The following CKAP5 variants were observed in gnomAD, a reference collection of about 807,000 sequenced individuals.
CKAP5 encodes the protein cytoskeleton associated protein 5, also known as cytoskeleton-associated protein 5.
CKAP5 carries 27 observed loss-of-function variants against 232.8 expected under a neutral mutation model. The ratio of observed to expected loss-of-function variants is 0.12; its 90% confidence interval spans 0.09 to 0.16. CKAP5 has a LOEUF of 0.16. Ranked by LOEUF, CKAP5 falls within the 10% of genes least tolerant of loss-of-function variation. CKAP5 has a pLI of 1.00. For missense variants in CKAP5, 1,838 were observed against 2,424.7 expected, an observed-to-expected ratio of 0.76 and a Z score of 5.08; for synonymous variants, 785 against 841.1, an observed-to-expected ratio of 0.93 and a Z score of 1.16.
chr11:46,778,271 C>T lies in CKAP5; in HGVS notation c.2616G>A (p.Lys872=), dbSNP rs767397717. The T allele has an allele frequency of 1.2e-6, 2 of 1,613,972 alleles. No homozygotes were observed. Among genetic ancestry groups the T allele is most frequent in the East Asian group, 2.2e-5 (1 of 44,864 alleles). ...GGCCTTCTTTCCTAATCTTCCAATT[C>T]TTATCACCAATCTTAGATACCAACT... ...TSELVSKIGD[K]NWKIRKEGLD... The change falls in exon 22 of 44, where the codon AAG becomes AAA. Residue 872 remains lysine (K), a synonymous_variant. Coordinates refer to ENST00000529230, the MANE Select transcript of CKAP5 (RefSeq NM_001008938.4).
chr11:46,753,436 T>A lies in CKAP5; in HGVS notation c.4931A>T (p.His1644Leu). 6.2e-7 allele frequency: 1 copy of A among 1,613,968 alleles called. No individual in the cohort carries two copies. The highest frequency in any genetic ancestry group is 1.1e-5 in the South Asian group (1 of 91,068). ...ASTGVLKDLMHGLITLMLDSR... is the reference protein window; with the variant it reads ...ASTGVLKDLMLGLITLMLDSR... ...ATCCAGCATTAAGGTGATGAGGCCA[T>A]GCATTAGGTCTTTTAGTACTCCAGT... is the stretch of plus-strand genomic sequence containing the variant. Residue 1644 changes from histidine (H) to leucine (L), a missense_variant, in exon 37 of 44, where the codon CAT becomes CTT. His to Leu is a moderately conservative substitution (Grantham distance 99). Around this residue, in one of 6 missense-constraint regions of CKAP5, gnomAD observed 579 missense variants for 843.2 expected, o/e 0.69. Coordinates refer to ENST00000529230, the MANE Select transcript of CKAP5 (RefSeq NM_001008938.4).
intron 23 of CKAP5, 66 bp from the exon 24 acceptor site, chr11:46,776,449 G>A (rs1172456886): frequency 2.2e-6 from 3 of 1,356,950 alleles, no homozygotes; most frequent in Admixed American, 2.2e-5. Context: ...GGTGATCACT[G>A]TTGCTTTATG....
At chr11:46,844,019 G>A (rs1047625645) in intron 1 of CKAP5, among the ~76,000 whole-genome samples, 2 of 151,950 alleles carry the variant, frequency 1.3e-5, no homozygotes, top group Non-Finnish European at 2.9e-5. Flanking sequence ...TCAGGAGTTC[G>A]AGACCAGCCT....
At chr11:46,834,695 G>A (rs190275688) in intron 1 of CKAP5, among the ~76,000 whole-genome samples, 1 of 152,236 alleles carries the variant, frequency 6.6e-6, no homozygotes, top group African/African-American at 2.4e-5. Flanking sequence ...GCTATTTGGT[G>A]ATATTCAAGG....
In CKAP5 at chr11:46,763,197, C is replaced by T; in HGVS notation, c.3688-18G>A. On this transcript the variant is annotated intron_variant, in intron 29 of 43. Coordinates refer to ENST00000529230, the MANE Select transcript of CKAP5 (RefSeq NM_001008938.4). ...TCCAAGTGCTTAAAATAAAACAAAA[C>T]AAAACTCCCACAAATAAGAATAATC... 6.5e-7 allele frequency: 1 copy of T among 1,529,936 alleles called. No homozygotes were observed. The allele number at this position is 1,529,936 out of a possible 1,614,324, so 94.8% of individuals were successfully genotyped here.
At position 46,762,719 on chromosome 11, in the gene CKAP5, A is replaced by G; in HGVS notation, c.3935T>C (p.Ile1312Thr). The change falls in exon 31 of 44, where the codon ATC becomes ACC. Residue 1312 changes from isoleucine to threonine, a missense_variant. Coordinates refer to ENST00000529230, the MANE Select transcript of CKAP5 (RefSeq NM_001008938.4). ...GTAGACAAGGCACATCCGGTTCAGG[A>G]TGGCACGAACATCTTTACGAATGAC... ...KDVIRKDVRA[I>T]LNRMCLVYPA... is the part of the protein sequence containing the mutation. 1 of 1,614,048 alleles carries G rather than the reference A, an allele frequency of 6.2e-7. No homozygotes were observed. The highest frequency in any genetic ancestry group is 8.5e-7 in the Non-Finnish European group (1 of 1,179,908).
chr11:46,798,965 C>T (rs999105401), intron 9 of CKAP5, among the ~76,000 whole-genome samples: 2 of 152,114 alleles, frequency 1.3e-5, no homozygotes, highest in African/African-American at 4.8e-5. Flanking sequence ...TATCTTATGC[C>T]GGAACAATGA....
intron 1 of CKAP5, among the ~76,000 whole-genome samples, chr11:46,839,449 T>A (rs149580024): frequency 3.3e-5 from 5 of 152,238 alleles, no homozygotes; most frequent in Non-Finnish European, 7.3e-5. Context: ...CTCTCCAACA[T>A]TGACTACCAA....
intron 4 of CKAP5, among the ~76,000 whole-genome samples, chr11:46,812,762 C>T (rs908846574): frequency 3.3e-5 from 5 of 152,002 alleles, no homozygotes; most frequent in African/African-American, 1.2e-4. Context: ...CTCAGTCCCC[C>T]AAGCAGCTGA....
chr11:46,793,664 T>C (rs1938795493), intron 13 of CKAP5, among the ~76,000 whole-genome samples: 1 of 152,268 alleles, frequency 6.6e-6, no homozygotes, highest in Admixed American at 6.5e-5. Context: ...GGCTCATGCC[T>C]GTAATTCCAG....
Position 46,817,093 on chromosome 11 carries a change from C to T in CKAP5, c.252-689G>A, listed in dbSNP as rs1274576699. Among the ~76,000 whole-genome samples, 13 of 144,416 alleles carry T rather than the reference C, an allele frequency of 9.0e-5. No individual in the cohort carries two copies. In the East Asian group the frequency reaches 1.0e-3, roughly 11 times the overall value. The allele number at this position is 144,416 out of a possible 152,430, so 94.7% of individuals were successfully genotyped here. A position where few individuals can be genotyped will look rare whatever the true frequency, so the allele number is the denominator to read the frequency against. Reference sequence around the variant, plus strand: ...TGCACTCCAGCCAGGGCAACAAGTACGAAACTGTGTATCAAAAAGAAAAAA... The same window carrying T: ...TGCACTCCAGCCAGGGCAACAAGTATGAAACTGTGTATCAAAAAGAAAAAA... On this transcript the variant is annotated intron_variant, in intron 3 of 43. Coordinates refer to ENST00000529230, the MANE Select transcript of CKAP5 (RefSeq NM_001008938.4).
At chr11:46,797,260 A>T (rs983137669) in intron 11 of CKAP5, among the ~76,000 whole-genome samples, 1 of 151,942 alleles carries the variant, frequency 6.6e-6, no homozygotes, top group Non-Finnish European at 1.5e-5. Flanking sequence ...CCAGCTACTC[A>T]GGAGGCTGAG....
chr11:46,743,164 GT>G lies in CKAP5; in HGVS notation c.*858del, dbSNP rs1337414478. 1.3e-5 allele frequency: 2 copies of G among 152,304 alleles called. No homozygotes were observed. The highest frequency in any genetic ancestry group is 4.8e-5 in the African/African-American group (2 of 41,570). 9.4% of individuals were successfully genotyped at this position (152,304 alleles called of 1,614,324 possible). ...CATTAGTCAAATGAACACAAATCTA[GT>G]TGTAGTGTGAGAACCACTGAAGCCC... On this transcript the variant is annotated 3_prime_UTR_variant, in exon 44 of 44. Transcript: ENST00000529230.
chr11:46,758,716 A>G (rs1435577455), intron 35 of CKAP5: 11 of 55,912 alleles, frequency 2.0e-4, no homozygotes, highest in South Asian at 1.7e-3. Context: ...CAAAAGAGGA[A>G]AAAAAAAAAA....
chr11:46,835,981 T>C (rs932090093), intron 1 of CKAP5, among the ~76,000 whole-genome samples: 5 of 152,314 alleles, frequency 3.3e-5, no homozygotes, highest in South Asian at 2.1e-4. Flanking sequence ...CACGTAATTC[T>C]TGACTAATCA....
intron 26 of CKAP5, 80 bp downstream of exon 26, chr11:46,769,883 A>G: frequency 1.3e-6 from 2 of 1,483,738 alleles, no homozygotes; most frequent in Non-Finnish European, 1.9e-6. Flanking sequence ...AATGTGATTT[A>G]AAAAAGACAA....
chr11:46,752,177 TATATATATATATATATAC>T (rs1203984883), intron 38 of CKAP5, among the ~76,000 whole-genome samples: 19 of 40,548 alleles, frequency 4.7e-4, no homozygotes, highest in African/African-American at 2.0e-3. Flanking sequence ...TATATATATA[TATATATATATATATATAC>T]ACACACACAC....
At chr11:46,831,992 G>T (rs1939805543) in intron 1 of CKAP5, among the ~76,000 whole-genome samples, 2 of 148,692 alleles carry the variant, frequency 1.3e-5, no homozygotes, top group African/African-American at 5.0e-5. Context: ...AGCATCTCAT[G>T]TGGCTGGGAC....
intron 1 of CKAP5, among the ~76,000 whole-genome samples, chr11:46,837,600 C>G (rs1939945531): frequency 6.6e-6 from 1 of 151,894 alleles, no homozygotes; most frequent in South Asian, 2.1e-4. Flanking sequence ...AGCACTGGGA[C>G]AAGAAATACA....
Sources: allele counts gnomAD v4.1 joint callset (sites outside exome capture counted in the v4.1 genomes callset), GRCh38; gene constraint gnomAD v4.1.1; regional missense constraint gnomAD v4.1.1; transcripts MANE v1.5; gene names NCBI Gene and HGNC (gene_info 2026-07-23, HGNC 2026-07-21).